The following ARL15 variants were observed in gnomAD, a reference collection of about 807,000 sequenced individuals.
The protein encoded by ARL15 is ADP-ribosylation factor-like protein 15.
In ARL15, 19 loss-of-function variants were observed where a neutral mutation model predicts 25.2. That is an observed-to-expected ratio of 0.75 (90% CI 0.53 to 1.10). ARL15 has a LOEUF of 1.10. Ranked by LOEUF, ARL15 falls within the 50% of genes least tolerant of loss-of-function variation. ARL15 has a pLI of 0.00. For synonymous variants in ARL15, 94 were observed against 86.8 expected (o/e 1.08, Z -0.46); for missense variants, 220 against 246.0 (o/e 0.89, Z 0.71).
At chr5:53,916,324 G>T (rs994863200) in intron 4 of ARL15, among the ~76,000 whole-genome samples, 2 of 149,836 alleles carry the variant, frequency 1.3e-5, no homozygotes, top group African/African-American at 4.9e-5. Flanking sequence ...AGAAAATTAG[G>T]TTCCACGATA....
chr5:54,240,467 G>A (rs931723611), intron 1 of ARL15, among the ~76,000 whole-genome samples: 1 of 152,042 alleles, frequency 6.6e-6, no homozygotes, highest in Non-Finnish European at 1.5e-5. Context: ...GTTGATCCAC[G>A]CTTGCACAGA....
chr5:54,236,424 A>G, intron 1 of ARL15, among the ~76,000 whole-genome samples: 1 of 151,830 alleles, frequency 6.6e-6, no homozygotes, highest in Admixed American at 6.6e-5. Context: ...ACACACACAC[A>G]CACACACACA....
At chr5:53,973,428 G>A (rs940376299) in intron 4 of ARL15, among the ~76,000 whole-genome samples, 64 of 151,854 alleles carry the variant, frequency 4.2e-4, no homozygotes, top group African/African-American at 1.5e-3. Flanking sequence ...ACAAAAATTA[G>A]CCAGGCATGG....
chr5:54,078,023 G>C (rs1751668036), intron 4 of ARL15, among the ~76,000 whole-genome samples: 2 of 152,160 alleles, frequency 1.3e-5, no homozygotes. Flanking sequence ...AAATTCTAAA[G>C]TAATTATTTC....
intron 1 of ARL15, among the ~76,000 whole-genome samples, chr5:54,215,625 A>C (rs1361206539): frequency 4.6e-5 from 3 of 65,392 alleles, no homozygotes; most frequent in Admixed American, 2.9e-4. Context: ...CGAAGGGGGG[A>C]GGGGGGGAAA....
chr5:53,986,356 A>C lies in ARL15; in HGVS notation c.463-99643T>G, dbSNP rs549328884. On this transcript the variant is annotated intron_variant, in intron 4 of 4. Transcript: ENST00000504924. ...ATTGATAATTATTTTGGGAGAAATA[A>C]TTTATTTTTCAATTTTGACCATCTT... is the stretch of plus-strand genomic sequence containing the variant. Among the ~76,000 whole-genome samples the C allele has an allele frequency of 3.3e-4, 51 of 152,330 alleles. 1 individual carries two copies. The South Asian group carries it at 0.01, about 30-fold the overall frequency.
At chr5:54,169,842 G>A (rs1289093986) in intron 2 of ARL15, among the ~76,000 whole-genome samples, 1 of 152,112 alleles carries the variant, frequency 6.6e-6, no homozygotes, top group African/African-American at 2.4e-5. Flanking sequence ...ACAGCTTCCT[G>A]CAAAGAGGCT....
rs558439768 is a variant in ARL15, at chr5:54,058,706, G to C, written c.462+54496C>G. ...TGGAGCTGAGGGAGCAACAGGGAGAGAGCTGGGAGATGAAGTCCAGGAAGT... is the reference window on the plus strand; with the variant it reads ...TGGAGCTGAGGGAGCAACAGGGAGACAGCTGGGAGATGAAGTCCAGGAAGT... On this transcript the variant is annotated intron_variant, in intron 4 of 4. Transcript: ENST00000504924. 5.9e-5 allele frequency among the ~76,000 whole-genome samples: 9 copies of C among 152,294 alleles called. No individual in the cohort carries two copies. The East Asian group carries it at 1.7e-3, about 29-fold the overall frequency.
chr5:54,265,554 T>G (rs948506762), intron 1 of ARL15, among the ~76,000 whole-genome samples: 1 of 152,220 alleles, frequency 6.6e-6, no homozygotes. Flanking sequence ...TAGTGATTCT[T>G]TTTAAATTGA....
At chr5:53,928,356 A>C (rs1746096407) in intron 4 of ARL15, among the ~76,000 whole-genome samples, 2 of 152,230 alleles carry the variant, frequency 1.3e-5, no homozygotes, top group Non-Finnish European at 2.9e-5. Context: ...TCACCGTCCT[A>C]GCCATGATCT....
At chr5:54,031,103 C>G (rs1282465180) in intron 4 of ARL15, among the ~76,000 whole-genome samples, 1 of 152,114 alleles carries the variant, frequency 6.6e-6, no homozygotes, top group Non-Finnish European at 1.5e-5. Context: ...CAGGGGGAGT[C>G]TAAGATCATG....
At chr5:54,271,545 T>G (rs893236304) in intron 1 of ARL15, among the ~76,000 whole-genome samples, 1 of 152,186 alleles carries the variant, frequency 6.6e-6, no homozygotes, top group Non-Finnish European at 1.5e-5. Context: ...GAATGCAAAT[T>G]TGTTTTCAAA....
At chr5:54,116,938 T>C (rs1752917089) in intron 3 of ARL15, among the ~76,000 whole-genome samples, 2 of 152,172 alleles carry the variant, frequency 1.3e-5, no homozygotes, top group Non-Finnish European at 2.9e-5. Context: ...TGGAACCCTA[T>C]TGGAACAAAA....
rs555945354 is a variant in ARL15 at position 54,072,656 on chromosome 5, G to A, written c.462+40546C>T. Reference sequence around the variant, plus strand: ...AAGATAAAGCTTGGGAATCAGCACAGTGCCATACCCCATGTGAATGTCACA... The same window carrying A: ...AAGATAAAGCTTGGGAATCAGCACAATGCCATACCCCATGTGAATGTCACA... On this transcript the variant is annotated intron_variant, in intron 4 of 4. Transcript: ENST00000504924. 1.1e-4 allele frequency among the ~76,000 whole-genome samples: 16 copies of A among 152,296 alleles called. No homozygotes were observed. The East Asian group carries it at 2.7e-3, about 26-fold the overall frequency.
chr5:54,213,171 T>A (rs1158878357), intron 1 of ARL15, among the ~76,000 whole-genome samples: 1 of 152,224 alleles, frequency 6.6e-6, no homozygotes. Context: ...CACACATTGC[T>A]AAAACACTGG....
At chr5:54,088,841 G>C (rs1212586991) in intron 4 of ARL15, among the ~76,000 whole-genome samples, 1 of 152,124 alleles carries the variant, frequency 6.6e-6, no homozygotes. Flanking sequence ...AAAAGTCCAA[G>C]TATTTTGGAA....
intron 1 of ARL15, among the ~76,000 whole-genome samples, chr5:54,270,708 C>T (rs911649579): frequency 1.3e-5 from 2 of 152,218 alleles, no homozygotes; most frequent in Non-Finnish European, 2.9e-5. Flanking sequence ...CTGCCTGAGC[C>T]TCCTGTGGCC....
chr5:53,989,597 G>A (rs966126643), intron 4 of ARL15, among the ~76,000 whole-genome samples: 1 of 151,960 alleles, frequency 6.6e-6, no homozygotes, highest in African/African-American at 2.4e-5. Context: ...GTGTGTGTGT[G>A]TGTATGGGTG....
chr5:54,228,882 T>C (rs1437263738), intron 1 of ARL15, among the ~76,000 whole-genome samples: 1 of 152,198 alleles, frequency 6.6e-6, no homozygotes, highest in Non-Finnish European at 1.5e-5. Context: ...GATATCATAG[T>C]ATTACTTTAA....
Sources: gnomAD v4.1 joint callset for allele counts (sites outside exome capture counted in the v4.1 genomes callset) on GRCh38, gnomAD v4.1.1 for gene constraint, MANE v1.5 for transcripts, NCBI Gene and HGNC (gene_info 2026-07-23, HGNC 2026-07-21) for gene names.